The following ATE1 variants were observed in gnomAD, a reference collection of about 807,000 sequenced individuals.
ATE1 encodes the protein arginyl-tRNA--protein transferase 1.
Under a neutral mutation model 70.5 loss-of-function variants are expected in ATE1, and 36 were observed. The ratio of observed to expected loss-of-function variants is 0.51; its 90% CI spans 0.39 to 0.67. ATE1 has a LOEUF of 0.67. ATE1 is among the 30% of genes least tolerant of loss of function. The pLI is 0.00. For missense variants in ATE1, 593 were observed against 629.5 expected, an observed-to-expected ratio of 0.94 and a Z score of 0.62; for synonymous variants, 232 against 219.3, an observed-to-expected ratio of 1.06 and a Z score of -0.51.
At chr10:121,828,030 A>G (rs1009393050) in intron 10 of ATE1, among the ~76,000 whole-genome samples, 5 of 152,234 alleles carry the variant, frequency 3.3e-5, no homozygotes, top group African/African-American at 4.8e-5. Context: ...TAGCAAGGCA[A>G]GCAAAATAAA....
chr10:121,743,519 CAGAT>C lies in ATE1; in HGVS notation c.*157_*160del. ...CTTTATATTAACTATGAGATTCTCA[CAGAT>C]ACATTGCCACAAAATATTTTTTAAA... On this transcript the variant is annotated 3_prime_UTR_variant, in exon 12 of 12. Coordinates refer to ENST00000224652, the MANE Select transcript of ATE1 (RefSeq NM_001001976.3). 1 of 1,300,184 alleles carries C rather than the reference CAGAT, an allele frequency of 7.7e-7. No homozygotes were observed. The highest frequency in any genetic ancestry group is 9.8e-7 in the Non-Finnish European group (1 of 1,017,706). 80.5% of individuals were successfully genotyped at this position (1,300,184 alleles called of 1,614,324 possible). A position where few individuals can be genotyped will look rare whatever the true frequency, so the allele number is the denominator to read the frequency against.
chr10:121,844,943 A>T (rs1948761370), intron 8 of ATE1, among the ~76,000 whole-genome samples: 1 of 151,904 alleles, frequency 6.6e-6, no homozygotes, highest in African/African-American at 2.4e-5. Context: ...CAACCCCACT[A>T]GAAAGTCTAT....
chr10:121,799,297 C>T (rs1048251326), intron 10 of ATE1, among the ~76,000 whole-genome samples: 27 of 152,258 alleles, frequency 1.8e-4, no homozygotes, highest in African/African-American at 6.0e-4. Context: ...ATACTGAGGA[C>T]AGCAACAAGA....
chr10:121,742,963 C>G lies in ATE1; in HGVS notation c.*717G>C, dbSNP rs938994046. 2.6e-5 allele frequency: 4 copies of G among 151,980 alleles called. No individual in the cohort carries two copies. The highest frequency in any genetic ancestry group is 4.4e-5 in the Non-Finnish European group (3 of 67,994). The allele number at this position is 151,980 out of a possible 1,614,324, so 9.4% of individuals were successfully genotyped here. A position where few individuals can be genotyped will look rare whatever the true frequency, so the allele number is the denominator to read the frequency against. ...TTTAGAAGTAAAGCAAATAATATAA[C>G]TAGAGTAATTATGTATTTTATTGTC... On this transcript the variant is annotated 3_prime_UTR_variant, in exon 12 of 12. Coordinates refer to ENST00000224652, the MANE Select transcript of ATE1 (RefSeq NM_001001976.3).
At chr10:121,823,164 C>A (rs193114918) in intron 10 of ATE1, among the ~76,000 whole-genome samples, 1 of 152,174 alleles carries the variant, frequency 6.6e-6, no homozygotes, top group Non-Finnish European at 1.5e-5. Flanking sequence ...GTGGCGGGCG[C>A]CTTTAGTCCC....
At chr10:121,774,256 G>A (rs745576822) in intron 11 of ATE1, among the ~76,000 whole-genome samples, 5 of 152,014 alleles carry the variant, frequency 3.3e-5, no homozygotes, top group Admixed American at 1.3e-4. Context: ...TTAAAAACAC[G>A]CATTATTTTA....
intron 10 of ATE1, among the ~76,000 whole-genome samples, chr10:121,813,588 G>A (rs1947412053): frequency 6.6e-6 from 1 of 152,178 alleles, no homozygotes; most frequent in Admixed American, 6.5e-5. Flanking sequence ...AAGGAAATGA[G>A]GACAGAAATA....
At chr10:121,825,196 T>C (rs1301978468) in intron 10 of ATE1, among the ~76,000 whole-genome samples, 2 of 152,030 alleles carry the variant, frequency 1.3e-5, no homozygotes, top group Non-Finnish European at 2.9e-5. Flanking sequence ...GATGGAATTA[T>C]GGGAAATAAA....
intron 10 of ATE1, among the ~76,000 whole-genome samples, chr10:121,819,885 C>T (rs1212368073): frequency 6.6e-6 from 1 of 151,878 alleles, no homozygotes; most frequent in Non-Finnish European, 1.5e-5. Context: ...GTGGCTCATG[C>T]CTGTAATCCC....
intron 10 of ATE1, among the ~76,000 whole-genome samples, chr10:121,813,163 A>C (rs1947393192): frequency 6.6e-6 from 1 of 152,224 alleles, no homozygotes; most frequent in African/African-American, 2.4e-5. Flanking sequence ...AATCAAGCCC[A>C]ACACAAACAT....
chr10:121,797,698 T>G (rs1361346528), intron 10 of ATE1, among the ~76,000 whole-genome samples: 2 of 152,108 alleles, frequency 1.3e-5, no homozygotes, highest in Non-Finnish European at 2.9e-5. Flanking sequence ...TCCTCCATCA[T>G]GTCACCTTCG....
chr10:121,817,124 T>A (rs2133541647), intron 10 of ATE1, among the ~76,000 whole-genome samples: 1 of 152,372 alleles, frequency 6.6e-6, no homozygotes, highest in East Asian at 1.9e-4. Flanking sequence ...AATGCCACTT[T>A]ATTTGATGTA....
intron 7 of ATE1, among the ~76,000 whole-genome samples, chr10:121,882,415 A>G (rs1950255859): frequency 6.6e-6 from 1 of 152,200 alleles, no homozygotes; most frequent in South Asian, 2.1e-4. Flanking sequence ...ACCTAGTAAC[A>G]AAAGTTTAGT....
intron 4 of ATE1, among the ~76,000 whole-genome samples, chr10:121,912,219 T>C (rs1242084700): frequency 2.0e-5 from 3 of 152,306 alleles, no homozygotes; most frequent in African/African-American, 7.2e-5. Flanking sequence ...ATCTTTCTTT[T>C]AGTTATTGCA....
chr10:121,895,579 A>C (rs960913460), intron 7 of ATE1, among the ~76,000 whole-genome samples: 6 of 151,820 alleles, frequency 4.0e-5, no homozygotes, highest in Non-Finnish European at 7.4e-5. Flanking sequence ...ACGCCATCGC[A>C]CTCCAGCCTG....
At chr10:121,908,386 T>C (rs981211945) in intron 5 of ATE1, among the ~76,000 whole-genome samples, 1 of 151,930 alleles carries the variant, frequency 6.6e-6, no homozygotes, top group East Asian at 1.9e-4. Flanking sequence ...GCACCTGTAA[T>C]CCCAGCTACT....
upstream of ATE1, chr10:121,928,348 G>C: frequency 6.5e-7 from 1 of 1,529,050 alleles, no homozygotes; most frequent in Non-Finnish European, 8.8e-7. Context: ...AACACTCACC[G>C]CAGGACGCTT....
At chr10:121,816,540 T>A (rs1947550725) in intron 10 of ATE1, among the ~76,000 whole-genome samples, 1 of 152,160 alleles carries the variant, frequency 6.6e-6, no homozygotes, top group Non-Finnish European at 1.5e-5. Flanking sequence ...TTCTGCCCCG[T>A]GAGGACACTA....
At chr10:121,926,524 G>C (rs1458606781) in intron 1 of ATE1, among the ~76,000 whole-genome samples, 1 of 152,126 alleles carries the variant, frequency 6.6e-6, no homozygotes, top group Non-Finnish European at 1.5e-5. Context: ...TTGCAGGCAG[G>C]TTTCTTCGAC....
Sources: gnomAD v4.1 joint callset for allele counts (sites outside exome capture counted in the v4.1 genomes callset) on GRCh38, gnomAD v4.1.1 for gene constraint, MANE v1.5 for transcripts, NCBI Gene and HGNC (gene_info 2026-07-23, HGNC 2026-07-21) for gene names.